Variants in POLA1 observed in about 807,000 individuals in gnomAD.
POLA1 encodes DNA polymerase alpha catalytic subunit.
Under a neutral mutation model 124.0 loss-of-function variants are expected in POLA1, and 15 were observed. The ratio of observed to expected loss-of-function variants is 0.12; its 90% CI spans 0.08 to 0.19. POLA1 has a LOEUF of 0.19. Ranked by LOEUF, POLA1 falls within the 10% of genes least tolerant of loss-of-function variation. The pLI is 1.00. For missense variants in POLA1, 886 were observed against 1,103.4 expected (o/e 0.80, Z 2.79); for synonymous variants, 408 against 389.4 (o/e 1.05, Z -0.56).
chrX:24,922,275 G>C (rs1288404494), intron 35 of POLA1, among the ~76,000 whole-genome samples: 4 of 105,118 alleles, frequency 3.8e-5, no homozygotes, highest in Non-Finnish European at 5.8e-5. Context: ...ATAGGGTCTT[G>C]CTATGTAACC....
intron 26 of POLA1, among the ~76,000 whole-genome samples, chrX:24,775,517 A>G: frequency 2.7e-5 from 3 of 112,314 alleles, no homozygotes; most frequent in Middle Eastern, 9.1e-3. Flanking sequence ...TGGTGTACAC[A>G]CGAGCACTGT....
chrX:24,929,089 G>A (rs1360967545), intron 35 of POLA1, among the ~76,000 whole-genome samples: 1 of 111,834 alleles, frequency 8.9e-6, no homozygotes, highest in Admixed American at 9.5e-5. Flanking sequence ...TGAGCAGAAA[G>A]GTGAAGTGTG....
rs901508226 is a variant in POLA1, at chrX:24,705,083, A to AT, written c.346+615dup. ...AGTGGTAGATTGGGGTCAGCAAACT[A>AT]TGGCCCTCTCACAACCAGTTTTTGA... On this transcript the variant is annotated intron_variant, in intron 4 of 36. Transcript: ENST00000379068. Among the ~76,000 whole-genome samples, 3 of 110,808 alleles carry AT rather than the reference A, an allele frequency of 2.7e-5. No individual in the cohort carries two copies. In the Admixed American group the frequency reaches 2.9e-4, roughly 11 times the overall value.
rs377586748 is a variant in POLA1, at chrX:24,748,474, C to T, written c.2841+14C>T. The T allele has an allele frequency of 8.8e-5, 101 of 1,151,746 alleles. No homozygotes were observed. The highest frequency in any genetic ancestry group is 1.1e-4 in the Non-Finnish European group (94 of 851,916). The allele number at this position is 1,151,746 out of a possible 1,213,427, so 94.9% of individuals were successfully genotyped here. ...CTTATTCTTCAGGTATATCTTTTCA[C>T]TAAGAAACATTTGAGTGACAGTCTC... On this transcript the variant is annotated intron_variant, in intron 25 of 36. Transcript: ENST00000379068.
intron 26 of POLA1, among the ~76,000 whole-genome samples, chrX:24,761,489 T>G (rs995091881): frequency 8.1e-5 from 9 of 110,535 alleles, no homozygotes; most frequent in Non-Finnish European, 9.4e-5. Flanking sequence ...GGTTGGGGTG[T>G]GGTGGCTTAG....
Position 24,716,869 on chromosome X carries a change from T to TA in POLA1, c.619-10dup. ...ATGTAGGTCTAACTGACTAAATATT[T>TA]AAAAACGTTTACAGGCAGTTCCTTC... On this transcript the variant is annotated splice_polypyrimidine_tract_variant and intron_variant, in intron 7 of 36. Transcript: ENST00000379068. The TA allele has an allele frequency of 8.9e-7, 1 of 1,126,517 alleles. No homozygotes were observed. Among genetic ancestry groups the TA allele is most frequent in the Non-Finnish European group, 1.2e-6 (1 of 821,774 alleles). The allele number at this position is 1,126,517 out of a possible 1,213,427, so 92.8% of individuals were successfully genotyped here.
intron 34 of POLA1, among the ~76,000 whole-genome samples, chrX:24,854,860 A>G (rs2046622132): frequency 9.0e-6 from 1 of 111,211 alleles, no homozygotes; most frequent in Admixed American, 9.6e-5. Context: ...TTTATGTGCA[A>G]GAATATACAT....
intron 26 of POLA1, among the ~76,000 whole-genome samples, chrX:24,759,796 G>A (rs1248646352): frequency 8.9e-6 from 1 of 112,211 alleles, no homozygotes; most frequent in African/African-American, 3.2e-5. Context: ...TCATTACTTT[G>A]ACTAGAATCA....
chrX:24,705,582 A>G (rs1022957466), intron 4 of POLA1, among the ~76,000 whole-genome samples: 1 of 111,972 alleles, frequency 8.9e-6, no homozygotes, highest in South Asian at 3.7e-4. Flanking sequence ...TATTGTCTGT[A>G]TTAAAAGTTT....
intron 1 of POLA1, 28 bp downstream of exon 1, chrX:24,694,032 C>A: frequency 8.7e-7 from 1 of 1,155,082 alleles, no homozygotes. Flanking sequence ...GCGCGGGGCT[C>A]CGGGTTGGGA....
Position 24,841,659 on chromosome X carries a change from C to G in POLA1, c.3744C>G (p.Asp1248Glu). The change falls in exon 33 of 37, where the codon GAC becomes GAG. Residue 1248 changes from aspartate to glutamate, a missense_variant. Around this residue, in one of 7 missense-constraint regions of POLA1, gnomAD observed 313 missense variants for 359.7 expected, o/e 0.87. Coordinates refer to ENST00000379068, the MANE Select transcript of POLA1 (RefSeq NM_001330360.2). ...TTTCTTTTACATTAATAGGACTTGA[C>G]CCCACCCAATTTAGAGTTCATCATT... ...AVLIATWLGLDPTQFRVHHYH... is the reference protein window; with the variant it reads ...AVLIATWLGLEPTQFRVHHYH... 2.6e-6 allele frequency: 3 copies of G among 1,165,839 alleles called. No homozygotes were observed. In the South Asian group the frequency reaches 6.0e-5, roughly 23 times the overall value.
At chrX:24,796,979 C>T (rs182904925) in intron 26 of POLA1, among the ~76,000 whole-genome samples, 3 of 111,960 alleles carry the variant, frequency 2.7e-5, no homozygotes, top group Non-Finnish European at 5.6e-5. Flanking sequence ...TCAAATCCAG[C>T]CCAGTGCCAA....
intron 1 of POLA1, among the ~76,000 whole-genome samples, chrX:24,697,940 G>T (rs2148301608): frequency 9.3e-6 from 1 of 107,954 alleles, no homozygotes; most frequent in South Asian, 4.0e-4. Context: ...TTCTGTGGAT[G>T]AATTTTTTTT....
At chrX:24,902,739 A>T (rs948756506) in intron 35 of POLA1, among the ~76,000 whole-genome samples, 1 of 111,898 alleles carries the variant, frequency 8.9e-6, no homozygotes. Flanking sequence ...GGAAAATCAT[A>T]TAATGACAAC....
At chrX:24,805,684 G>T (rs181748173) in intron 26 of POLA1, among the ~76,000 whole-genome samples, 2 of 111,763 alleles carry the variant, frequency 1.8e-5, no homozygotes, top group Non-Finnish European at 3.8e-5. Context: ...GAAGTTGGCA[G>T]ATTTTTGAAA....
At chrX:24,733,869 G>C (rs930534002) in intron 17 of POLA1, 53 bp downstream of exon 17, 3 of 678,719 alleles carry the variant, frequency 4.4e-6, no homozygotes, top group East Asian at 6.6e-5. Context: ...GAAAGAAAAG[G>C]GGGGTGGTAT....
chrX:24,807,929 G>A lies in POLA1; in HGVS notation c.2965-1969G>A, dbSNP rs778861822. 3.6e-4 allele frequency among the ~76,000 whole-genome samples: 40 copies of A among 111,895 alleles called. No homozygotes were observed. The South Asian group carries it at 0.011, about 31-fold the overall frequency. The stretch of plus-strand genomic sequence containing the variant: ...ATGAGTCTGTACACAGTTAACTGTT[G>A]GAAGACTGGGAGATTTATTCTGTCC... On this transcript the variant is annotated intron_variant, in intron 26 of 36. Coordinates refer to ENST00000379068, the MANE Select transcript of POLA1 (RefSeq NM_001330360.2).
chrX:24,968,978 G>T (rs1162888547), intron 36 of POLA1, among the ~76,000 whole-genome samples: 1 of 111,481 alleles, frequency 9.0e-6, no homozygotes, highest in Non-Finnish European at 1.9e-5. Context: ...GGAGGCTAAG[G>T]TGGGCATATC....
intron 14 of POLA1, among the ~76,000 whole-genome samples, chrX:24,727,297 CATT>C (rs1281779361): frequency 1.8e-5 from 2 of 111,114 alleles, no homozygotes; most frequent in Non-Finnish European, 3.8e-5. Context: ...GTGCATCCCT[CATT>C]ATGCTGTTAT....
Sources: allele counts gnomAD v4.1 joint callset (sites outside exome capture counted in the v4.1 genomes callset), GRCh38; gene constraint gnomAD v4.1.1; regional missense constraint gnomAD v4.1.1; transcripts MANE v1.5; gene names NCBI Gene and HGNC (gene_info 2026-07-23, HGNC 2026-07-21).